The following MYLK variants were observed in gnomAD, a reference collection of about 807,000 sequenced individuals.
MYLK encodes the protein myosin light chain kinase, smooth muscle.
Under a neutral mutation model 203.4 loss-of-function variants are expected in MYLK, and 106 were observed. The observed-to-expected ratio is 0.52, with a 90% confidence interval of 0.45 to 0.61. The LOEUF (loss-of-function observed/expected upper bound fraction) is 0.61. Among genes scored for constraint, MYLK ranks in the 20% least tolerant of loss-of-function variants. The probability of loss-of-function intolerance (pLI) is 0.00; values close to 1 mark genes in which losing one functional copy is unlikely to be tolerated. For synonymous variants in MYLK, 867 were observed against 959.5 expected (o/e 0.90, Z 1.78); for missense variants, 2,072 against 2,442.3 (o/e 0.85, Z 3.20).
Position 123,831,474 on chromosome 3 carries a change from C to T in MYLK, c.-4+74G>A. The T allele has an allele frequency of 9.4e-6, 12 of 1,277,052 alleles. No individual in the cohort carries two copies. The South Asian group carries it at 1.5e-4, about 16-fold the overall frequency. 79.1% of individuals were successfully genotyped at this position (1,277,052 alleles called of 1,614,324 possible). On this transcript the variant is annotated intron_variant, in intron 3 of 33. Transcript: ENST00000360304. ...TGGGCACCTAGAAAGACACACAGCT[C>T]CCCTCTCTGCAGCCTCCCCAGGGTG...
intron 2 of MYLK, among the ~76,000 whole-genome samples, chr3:123,857,585 G>A (rs2031518564): frequency 6.7e-6 from 1 of 148,456 alleles, no homozygotes; most frequent in Non-Finnish European, 1.5e-5. Flanking sequence ...CTCATAGGTG[G>A]GAATTGAACA....
chr3:123,856,363 T>TG (rs1230324610), intron 2 of MYLK, among the ~76,000 whole-genome samples: 1 of 152,212 alleles, frequency 6.6e-6, no homozygotes, highest in African/African-American at 2.4e-5. Flanking sequence ...CCAGGTTGAA[T>TG]GAGGCACATA....
chr3:123,656,587 C>T (rs1200572663), intron 24 of MYLK, among the ~76,000 whole-genome samples: 1 of 152,192 alleles, frequency 6.6e-6, no homozygotes, highest in Non-Finnish European at 1.5e-5. Flanking sequence ...GACTAAGTGT[C>T]ACCTTCTCCA....
intron 3 of MYLK, among the ~76,000 whole-genome samples, chr3:123,814,428 T>C (rs559539422): frequency 6.6e-6 from 1 of 152,328 alleles, no homozygotes; most frequent in South Asian, 2.1e-4. Flanking sequence ...AGTTCCCTTG[T>C]CTCATCATCT....
Position 123,726,070 on chromosome 3 carries a change from C to A in MYLK, c.1525G>T (p.Val509Leu). The A allele has an allele frequency of 1.9e-6, 3 of 1,614,178 alleles. No homozygotes were observed. The highest frequency in any genetic ancestry group is 2.5e-6 in the Non-Finnish European group (3 of 1,180,032). The change falls in exon 12 of 34, where the codon GTG becomes TTG. Residue 509 changes from valine to leucine, a missense_variant. Around this residue, in one of 3 missense-constraint regions of MYLK, gnomAD observed 683 missense variants for 643.8 expected, o/e 1.06. Coordinates refer to ENST00000360304, the MANE Select transcript of MYLK (RefSeq NM_053025.4). ...SWTLQVERLAVMEVAPSFSSV... is the reference protein window; with the variant it reads ...SWTLQVERLALMEVAPSFSSV... ...GAGAAGGAGGGGGCCACCTCCATCA[C>A]GGCAAGCCCTGTGAGGGAAAAGGAC... is the stretch of plus-strand genomic sequence containing the variant.
At chr3:123,820,648 T>TTCCTTCCTTCCC (rs1577065236) in intron 3 of MYLK, among the ~76,000 whole-genome samples, 2 of 129,370 alleles carry the variant, frequency 1.5e-5, no homozygotes, top group East Asian at 2.4e-4. Context: ...CCTTCCCTCC[T>TTCCTTCCTTCCC]TCCTTCCTTC....
At chr3:123,773,007 A>G (rs1470589887) in intron 4 of MYLK, among the ~76,000 whole-genome samples, 1 of 152,106 alleles carries the variant, frequency 6.6e-6, no homozygotes, top group Admixed American at 6.5e-5. Context: ...AAAAGATTCA[A>G]TAATTCTATT....
At position 123,657,206 on chromosome 3, in the gene MYLK, C is replaced by T. The variant is rs1286895921; in HGVS notation, c.4208G>A (p.Arg1403His). Residue 1403 changes from arginine (R) to histidine (H), a missense_variant, in exon 24 of 34, where the codon CGT becomes CAT. Coordinates refer to ENST00000360304, the MANE Select transcript of MYLK (RefSeq NM_053025.4). ...DLLPDHEYKF[R>H]VRAINVYGTS... The stretch of plus-strand genomic sequence containing the variant: ...TCCATACACGTTGATTGCACGTACA[C>T]GGAACTTATATTCGTGGTCAGGCAG... 4 of 1,614,140 alleles carry T rather than the reference C, an allele frequency of 2.5e-6. No individual in the cohort carries two copies. The highest frequency in any genetic ancestry group is 2.2e-5 in the East Asian group (1 of 44,882).
intron 33 of MYLK, chr3:123,617,360 A>C (rs1396578583): frequency 6.6e-6 from 1 of 152,236 alleles, no homozygotes; most frequent in African/African-American, 2.4e-5. Context: ...TGAGAATTGC[A>C]AGCAGTGGCT....
chr3:123,700,897 C>A lies in MYLK; in HGVS notation c.2571G>T (p.Gly857=), dbSNP rs1296146069. ...GSLRPGWPAR[G]QGWLEEEDGE... ...CGTCTTCCTCCTCTAGCCAACCCTG[C>A]CCTCTTGCTGGCCAGCCAGGCCTCA... The change falls in exon 18 of 34, where the codon GGG becomes GGT. Residue 857 remains glycine, a synonymous_variant. Coordinates refer to ENST00000360304, the MANE Select transcript of MYLK (RefSeq NM_053025.4). The A allele has an allele frequency of 6.2e-7, 1 of 1,612,822 alleles. No homozygotes were observed. Among genetic ancestry groups the A allele is most frequent in the Admixed American group, 1.7e-5 (1 of 60,024 alleles).
intron 4 of MYLK, among the ~76,000 whole-genome samples, chr3:123,763,411 T>C (rs1022328395): frequency 6.6e-6 from 1 of 152,236 alleles, no homozygotes; most frequent in African/African-American, 2.4e-5. Context: ...TCTCATTCTA[T>C]GCCACCGTTT....
Position 123,734,005 on chromosome 3 carries a change from T to G in MYLK, c.991A>C (p.Thr331Pro). 1 of 1,614,190 alleles carries G rather than the reference T, an allele frequency of 6.2e-7. No individual in the cohort carries two copies. Among genetic ancestry groups the G allele is most frequent in the Non-Finnish European group, 8.5e-7 (1 of 1,180,032 alleles). Residue 331 changes from threonine (T) to proline (P), a missense_variant, in exon 10 of 34, where the codon ACG (threonine) becomes CCG (proline). By Grantham distance (38) the Thr-to-Pro change is conservative. Transcript: ENST00000360304. ...KLESCKDSPR[T>P]APQTPVLQKT... is the part of the protein sequence containing the mutation. Reference sequence around the variant, plus strand: ...TGAAGGACCGGGGTCTGCGGGGCCGTTCTGGGCGAGTCCTTGCATGACTCC... The same window carrying G: ...TGAAGGACCGGGGTCTGCGGGGCCGGTCTGGGCGAGTCCTTGCATGACTCC...
intron 18 of MYLK, among the ~76,000 whole-genome samples, chr3:123,696,949 G>A (rs1335136129): frequency 1.3e-5 from 2 of 152,206 alleles, no homozygotes; most frequent in East Asian, 3.9e-4. Context: ...CTGCTGCTGC[G>A]GGGCCCCCGC....
intron 3 of MYLK, 50 bp downstream of exon 3, chr3:123,831,498 T>G: frequency 1.7e-6 from 2 of 1,149,746 alleles, no homozygotes; most frequent in Non-Finnish European, 2.3e-6. Context: ...CTCCCCAGGG[T>G]GGACTGAGGA....
At position 123,614,031 on chromosome 3, in the gene MYLK, T is replaced by TG. The variant is rs200524098; in HGVS notation, c.*73_*74insC. The TG allele has an allele frequency of 6.2e-4, 919 of 1,488,330 alleles. No homozygotes were observed. Among genetic ancestry groups the TG allele is most frequent in the Non-Finnish European group, 6.3e-4 (698 of 1,101,392 alleles). 92.2% of individuals were successfully genotyped at this position (1,488,330 alleles called of 1,614,324 possible). ...CTAGGTGCTTTTACTATCTTGAGTT[T>TG]TTTTTTTTTTTTTGAGTTTTAGAGA... On this transcript the variant is annotated 3_prime_UTR_variant, in exon 34 of 34. Transcript: ENST00000360304.
intron 3 of MYLK, among the ~76,000 whole-genome samples, chr3:123,801,182 C>T (rs2065183182): frequency 6.6e-6 from 1 of 152,174 alleles, no homozygotes; most frequent in Non-Finnish European, 1.5e-5. Flanking sequence ...CCACTGTACG[C>T]TTGAAAGAGA....
In MYLK at chr3:123,688,515, C is replaced by T. The variant is rs569512921; in HGVS notation, c.3565+4220G>A. Among the ~76,000 whole-genome samples, 7 of 152,326 alleles carry T rather than the reference C, an allele frequency of 4.6e-5. No individual in the cohort carries two copies. In the South Asian group the frequency reaches 1.0e-3, roughly 23 times the overall value. On this transcript the variant is annotated intron_variant, in intron 19 of 33. Transcript: ENST00000360304. ...CCCCATTGTGCTCCCTGCTTTCCCT[C>T]TGACTCATCCTGGGTCTGGTCATCA...
chr3:123,806,761 C>T (rs926752184), intron 3 of MYLK, among the ~76,000 whole-genome samples: 1 of 152,114 alleles, frequency 6.6e-6, no homozygotes, highest in African/African-American at 2.4e-5. Flanking sequence ...ATCCTGGGTT[C>T]AAGTGATTCT....
intron 2 of MYLK, among the ~76,000 whole-genome samples, chr3:123,860,552 AG>A (rs1398677567): frequency 6.6e-6 from 1 of 152,174 alleles, no homozygotes; most frequent in East Asian, 1.9e-4. Context: ...TCACTTCAGG[AG>A]GTTGAATAGG....
Sources: allele counts gnomAD v4.1 joint callset (sites outside exome capture counted in the v4.1 genomes callset), GRCh38; gene constraint gnomAD v4.1.1; regional missense constraint gnomAD v4.1.1; transcripts MANE v1.5; gene names NCBI Gene and HGNC (gene_info 2026-07-23, HGNC 2026-07-21).